The following EYS variants were observed in gnomAD, a reference collection of about 807,000 sequenced individuals.
EYS encodes EGF-like photoreceptor maintenance factor.
In EYS, 250 loss-of-function variants were observed where a neutral mutation model predicts 282.1. That is an observed-to-expected ratio of 0.89 (90% CI 0.80 to 0.98). The LOEUF is 0.98. Among genes scored for constraint, EYS ranks in the 50% least tolerant of loss-of-function variants. EYS has a pLI of 0.00. For missense variants in EYS, 4,016 were observed against 3,709.0 expected, an observed-to-expected ratio of 1.08 and a Z score of -2.15; for synonymous variants, 1,355 against 1,282.9, an observed-to-expected ratio of 1.06 and a Z score of -1.20.
At chr6:64,818,979 A>G (rs992578890) in intron 21 of EYS, among the ~76,000 whole-genome samples, 13 of 152,266 alleles carry the variant, frequency 8.5e-5, no homozygotes, top group African/African-American at 3.1e-4. Flanking sequence ...CATAAACTAT[A>G]TTATTTCCAC....
chr6:65,115,971 ATCT>A (rs1775362075), intron 12 of EYS, among the ~76,000 whole-genome samples: 2 of 87,454 alleles, frequency 2.3e-5, no homozygotes, highest in South Asian at 3.0e-4. Flanking sequence ...TATCTAATCT[ATCT>A]ATCTATCTAT....
At chr6:63,923,686 C>T (rs1306011921) in intron 35 of EYS, among the ~76,000 whole-genome samples, 3 of 152,170 alleles carry the variant, frequency 2.0e-5, no homozygotes, top group Non-Finnish European at 2.9e-5. Context: ...CACCCAGGTA[C>T]TGAGCATAGT....
At chr6:65,517,628 T>G (rs1029053539) in intron 2 of EYS, among the ~76,000 whole-genome samples, 1 of 152,060 alleles carries the variant, frequency 6.6e-6, no homozygotes, top group Admixed American at 6.6e-5. Flanking sequence ...TAAATAAAAC[T>G]AACATTTTAA....
intron 14 of EYS, among the ~76,000 whole-genome samples, chr6:64,957,837 A>C (rs1159596238): frequency 6.6e-6 from 1 of 152,218 alleles, no homozygotes; most frequent in East Asian, 1.9e-4. Context: ...AGCAAAACAG[A>C]GACAAATACC....
chr6:65,666,704 G>A (rs1768213512), intron 1 of EYS, among the ~76,000 whole-genome samples: 1 of 151,170 alleles, frequency 6.6e-6, no homozygotes. Flanking sequence ...CTAAAATATA[G>A]AATTGCTGGG....
chr6:65,606,128 G>T (rs2149792574), intron 2 of EYS, among the ~76,000 whole-genome samples: 1 of 151,566 alleles, frequency 6.6e-6, no homozygotes, highest in African/African-American at 2.4e-5. Flanking sequence ...CAAAATGGTA[G>T]TCTCTAGGAA....
At chr6:65,308,182 G>A (rs1406767682) in intron 11 of EYS, among the ~76,000 whole-genome samples, 747 of 61,126 alleles carry the variant, frequency 0.012, 20 homozygotes, top group African/African-American at 0.046. Flanking sequence ...TTCACTTGTT[G>A]GCCAGGCTGG....
At chr6:64,195,756 C>G (rs1022854400) in intron 31 of EYS, among the ~76,000 whole-genome samples, 4 of 152,028 alleles carry the variant, frequency 2.6e-5, no homozygotes, top group Non-Finnish European at 5.9e-5. Flanking sequence ...TTAAAATAGT[C>G]TCTTGCTTCT....
At chr6:65,089,598 T>A (rs1369132233) in intron 12 of EYS, among the ~76,000 whole-genome samples, 1 of 152,094 alleles carries the variant, frequency 6.6e-6, no homozygotes, top group Non-Finnish European at 1.5e-5. Flanking sequence ...TGGAAGGGAC[T>A]TTGCTTGTCT....
chr6:64,056,227 C>A (rs1770979216), intron 33 of EYS, among the ~76,000 whole-genome samples: 1 of 152,152 alleles, frequency 6.6e-6, no homozygotes. Context: ...CAGACTGTTT[C>A]CAAGGAATTT....
At chr6:63,927,105 T>A (rs1247536325) in intron 35 of EYS, among the ~76,000 whole-genome samples, 2 of 152,240 alleles carry the variant, frequency 1.3e-5, no homozygotes, top group East Asian at 1.9e-4. Flanking sequence ...GTTCTTAGTC[T>A]GTTCTGCTCT....
intron 5 of EYS, among the ~76,000 whole-genome samples, chr6:65,477,542 T>C (rs1765455757): frequency 6.6e-6 from 1 of 152,196 alleles, no homozygotes; most frequent in Non-Finnish European, 1.5e-5. Context: ...GCAGTATTAC[T>C]GCGATGTATA....
chr6:65,410,419 T>C (rs1402939989), intron 5 of EYS, among the ~76,000 whole-genome samples: 4 of 152,040 alleles, frequency 2.6e-5, no homozygotes, highest in Non-Finnish European at 5.9e-5. Context: ...CCATCTCTTC[T>C]AGCCGTTTTG....
intron 22 of EYS, among the ~76,000 whole-genome samples, chr6:64,646,568 C>T (rs1768358777): frequency 6.6e-6 from 1 of 152,030 alleles, no homozygotes. Context: ...CTTTGGGAGG[C>T]TGAGGCGGGC....
chr6:64,775,444 G>A (rs1468513680), intron 22 of EYS, among the ~76,000 whole-genome samples: 1 of 151,962 alleles, frequency 6.6e-6, no homozygotes, highest in East Asian at 1.9e-4. Context: ...CGCACGGCAA[G>A]TTATTAAATT....
intron 2 of EYS, among the ~76,000 whole-genome samples, chr6:65,511,859 TA>T (rs1251583638): frequency 3.3e-5 from 5 of 151,658 alleles, no homozygotes; most frequent in Non-Finnish European, 7.4e-5. Context: ...AGAGGTCCTA[TA>T]ATCTCAGCTA....
At chr6:65,289,473 T>G (rs1170676931) in intron 12 of EYS, among the ~76,000 whole-genome samples, 3 of 151,120 alleles carry the variant, frequency 2.0e-5, no homozygotes, top group Admixed American at 1.3e-4. Flanking sequence ...CCCAAATATG[T>G]GGATATGTTA....
intron 19 of EYS, among the ~76,000 whole-genome samples, chr6:64,864,085 T>A (rs1437683268): frequency 6.6e-6 from 1 of 152,172 alleles, no homozygotes; most frequent in Non-Finnish European, 1.5e-5. Flanking sequence ...GCCTTTAAAA[T>A]ATATTTTATC....
intron 2 of EYS, among the ~76,000 whole-genome samples, chr6:65,567,767 T>C (rs1764327469): frequency 6.6e-6 from 1 of 152,138 alleles, no homozygotes; most frequent in African/African-American, 2.4e-5. Flanking sequence ...TTTTAACCAG[T>C]TTCTTTTCTA....
Sources: allele counts gnomAD v4.1 joint callset (sites outside exome capture counted in the v4.1 genomes callset), GRCh38; gene constraint gnomAD v4.1.1; transcripts MANE v1.5; gene names NCBI Gene and HGNC (gene_info 2026-07-23, HGNC 2026-07-21).